ECT2L: variants seen among roughly 807,000 people sequenced by gnomAD.
ECT2L encodes epithelial cell-transforming sequence 2 oncogene-like.
Under a neutral mutation model 122.8 loss-of-function variants are expected in ECT2L, and 126 were observed. The ratio of observed to expected loss-of-function variants is 1.03; its 90% confidence interval spans 0.89 to 1.19. ECT2L has a LOEUF of 1.19. Ranked by LOEUF, ECT2L falls within the 50% of genes most tolerant of loss-of-function variation. The probability of loss-of-function intolerance (pLI) is 0.00; values close to 1 mark genes in which losing one functional copy is unlikely to be tolerated. For missense variants in ECT2L, 1,012 were observed against 1,064.1 expected (o/e 0.95, Z 0.68); for synonymous variants, 385 against 381.8 (o/e 1.01, Z -0.10).
intron 9 of ECT2L, among the ~76,000 whole-genome samples, chr6:138,851,690 A>G (rs1206777013): frequency 6.6e-6 from 1 of 151,728 alleles, no homozygotes; most frequent in Admixed American, 6.6e-5. Flanking sequence ...TTCACTGTTG[A>G]GTTATAGTTC....
chr6:138,861,789 G>T (rs1435610886), intron 10 of ECT2L, among the ~76,000 whole-genome samples: 1 of 152,172 alleles, frequency 6.6e-6, no homozygotes, highest in Non-Finnish European at 1.5e-5. Flanking sequence ...TTTTAGTCAT[G>T]AAGTCTTTGC....
chr6:138,864,102 C>T (rs1363329969), intron 11 of ECT2L, among the ~76,000 whole-genome samples: 2 of 148,686 alleles, frequency 1.3e-5, no homozygotes, highest in Non-Finnish European at 3.0e-5. Flanking sequence ...AGGCAGATCA[C>T]CTGAGGTCAG....
chr6:138,879,491 T>C (rs568685394), intron 14 of ECT2L: 2 of 152,240 alleles, frequency 1.3e-5, no homozygotes, highest in East Asian at 3.8e-4. Flanking sequence ...ATAAATTTTC[T>C]GGTATAAAGA....
Position 138,844,512 on chromosome 6 carries a change from G to A in ECT2L, c.696G>A (p.Glu232=). The A allele has an allele frequency of 2.5e-6, 4 of 1,614,186 alleles. No homozygotes were observed. The highest frequency in any genetic ancestry group is 3.4e-6 in the Non-Finnish European group (4 of 1,180,026). The change falls in exon 7 of 22, where the codon GAG becomes GAA. Residue 232 remains glutamate (E), a synonymous_variant. Coordinates refer to ENST00000541398, the MANE Select transcript of ECT2L (RefSeq NM_001077706.3). ...CACGCCTCTCCCAGACTGTAAGGGA[G>A]CGAGTGGGATTACATGAAGCTTTGG... ...CQPRLSQTVR[E]RVGLHEALEK...
chr6:138,815,397 G>A (rs575374222), intron 4 of ECT2L, among the ~76,000 whole-genome samples: 1 of 152,318 alleles, frequency 6.6e-6, no homozygotes, highest in East Asian at 1.9e-4. Flanking sequence ...ATATTCTAGA[G>A]AGCCCTCCAG....
intron 4 of ECT2L, among the ~76,000 whole-genome samples, chr6:138,825,410 C>T (rs1776411569): frequency 1.3e-5 from 2 of 151,896 alleles, no homozygotes; most frequent in African/African-American, 4.8e-5. Flanking sequence ...TGAAACCCTG[C>T]TTCTACTAAA....
At chr6:138,865,321 G>A (rs1245826369) in intron 12 of ECT2L, 143 bp downstream of exon 12, 7 of 602,526 alleles carry the variant, frequency 1.2e-5, no homozygotes, top group East Asian at 5.8e-5. Flanking sequence ...TTGCTCACAC[G>A]GCCTTTCAAA....
intron 1 of ECT2L, among the ~76,000 whole-genome samples, chr6:138,798,919 CTG>C (rs200346956): frequency 0.012 from 1,768 of 152,322 alleles, 30 homozygotes; most frequent in African/African-American, 0.04. Flanking sequence ...AGTGTTCAAA[CTG>C]TGTTCAAATA....
chr6:138,901,209 G>C, intron 21 of ECT2L, 89 bp downstream of exon 21: 1 of 1,332,748 alleles, frequency 7.5e-7, no homozygotes, highest in Non-Finnish European at 1.0e-6. Context: ...AAAAGGACTG[G>C]AATTATAATT....
intron 4 of ECT2L, among the ~76,000 whole-genome samples, chr6:138,827,351 C>CAA (rs1562460854): frequency 6.7e-6 from 1 of 148,224 alleles, no homozygotes; most frequent in African/African-American, 2.5e-5. Flanking sequence ...CTGTCTCAAA[C>CAA]AAAACAAAAC....
rs1188402218 is a variant in ECT2L, at chr6:138,868,124, T to C, written c.1496T>C (p.Met499Thr). 1.9e-6 allele frequency: 3 copies of C among 1,611,504 alleles called. No individual in the cohort carries two copies. Among genetic ancestry groups the C allele is most frequent in the African/African-American group, 2.7e-5 (2 of 74,834 alleles). The change falls in exon 13 of 22, where the codon ATG becomes ACG. Residue 499 changes from methionine (M) to threonine (T), a missense_variant. Coordinates refer to ENST00000541398, the MANE Select transcript of ECT2L (RefSeq NM_001077706.3). ...ACAGGGCAGTTTATGTTTGACACCA[T>C]GGGTATGACCAACATTCTAAACAAC... ...RMIGQFMFDT[M>T]GMTNILNNQD...
intron 13 of ECT2L, among the ~76,000 whole-genome samples, chr6:138,869,434 C>T (rs143910596): frequency 3.9e-5 from 6 of 152,258 alleles, no homozygotes; most frequent in South Asian, 2.1e-4. Flanking sequence ...GGGTCTGCAC[C>T]AGGCATTTCT....
At chr6:138,821,867 G>A (rs778364633) in intron 4 of ECT2L, among the ~76,000 whole-genome samples, 40 of 152,230 alleles carry the variant, frequency 2.6e-4, no homozygotes, top group Non-Finnish European at 4.7e-4. Context: ...TTGATGGGGA[G>A]GCCGAAGAGG....
At chr6:138,808,833 T>A (rs1156908646) in intron 1 of ECT2L, among the ~76,000 whole-genome samples, 1 of 150,788 alleles carries the variant, frequency 6.6e-6, no homozygotes, top group African/African-American at 2.4e-5. Flanking sequence ...TTCAAGCAAT[T>A]CTCTTGCCTC....
At chr6:138,843,978 G>A (rs566612410) in intron 6 of ECT2L, among the ~76,000 whole-genome samples, 47 of 152,210 alleles carry the variant, frequency 3.1e-4, no homozygotes, top group African/African-American at 1.0e-3. Flanking sequence ...GCAGAGCCAC[G>A]GCGCCCAGCC....
intron 4 of ECT2L, among the ~76,000 whole-genome samples, chr6:138,835,653 C>T (rs79509977): frequency 0.041 from 6,233 of 152,118 alleles, 171 homozygotes; most frequent in African/African-American, 0.079. Context: ...ACATGATGCC[C>T]ATTACCTTAA....
intron 10 of ECT2L, among the ~76,000 whole-genome samples, chr6:138,857,667 C>A (rs1777662069): frequency 6.6e-6 from 1 of 151,796 alleles, no homozygotes; most frequent in Non-Finnish European, 1.5e-5. Flanking sequence ...CTCCCTGTTT[C>A]CTCCCACCTC....
chr6:138,881,682 T>C (rs1778651466), intron 15 of ECT2L, among the ~76,000 whole-genome samples: 1 of 151,894 alleles, frequency 6.6e-6, no homozygotes, highest in Non-Finnish European at 1.5e-5. Context: ...TCATCAGGCA[T>C]TAGATTCTCA....
chr6:138,834,205 A>AT (rs1776745803), intron 4 of ECT2L, among the ~76,000 whole-genome samples: 1 of 152,112 alleles, frequency 6.6e-6, no homozygotes, highest in Non-Finnish European at 1.5e-5. Flanking sequence ...AGCAAAACAC[A>AT]TTTTTTCACT....
Sources: allele counts gnomAD v4.1 joint callset (sites outside exome capture counted in the v4.1 genomes callset), GRCh38; gene constraint gnomAD v4.1.1; transcripts MANE v1.5; gene names NCBI Gene and HGNC (gene_info 2026-07-23, HGNC 2026-07-21).